PTPRS: variants seen among roughly 807,000 people sequenced by gnomAD.
PTPRS encodes receptor-type tyrosine-protein phosphatase S.
In PTPRS, 63 loss-of-function variants were observed where a neutral mutation model predicts 215.3. The ratio of observed to expected loss-of-function variants is 0.29; its 90% CI spans 0.24 to 0.36. The LOEUF (loss-of-function observed/expected upper bound fraction) is 0.36. Ranked by LOEUF, PTPRS falls within the 10% of genes least tolerant of loss-of-function variation. The pLI is 1.00. For synonymous variants in PTPRS, 1,404 were observed against 1,191.4 expected, an observed-to-expected ratio of 1.18 and a Z score of -3.68; for missense variants, 2,258 against 2,825.8, an observed-to-expected ratio of 0.80 and a Z score of 4.56.
intron 9 of PTPRS, among the ~76,000 whole-genome samples, chr19:5,250,394 T>C (rs1331539915): frequency 6.6e-6 from 1 of 152,124 alleles, no homozygotes; most frequent in Non-Finnish European, 1.5e-5. Context: ...ACCCATGTCA[T>C]CTTTCCACCC....
intron 1 of PTPRS, among the ~76,000 whole-genome samples, chr19:5,297,684 G>A (rs2049177788): frequency 1.3e-5 from 2 of 152,140 alleles, no homozygotes; most frequent in Admixed American, 6.5e-5. Flanking sequence ...GAGGAAGAGA[G>A]CAAATCAGAC....
At chr19:5,333,973 T>A (rs1416192632) in intron 1 of PTPRS, among the ~76,000 whole-genome samples, 2 of 101,012 alleles carry the variant, frequency 2.0e-5, no homozygotes, top group African/African-American at 3.9e-5. Context: ...CCCCCCAAAC[T>A]CCCCCCTTTG....
At chr19:5,266,746 T>G (rs529489038) in intron 4 of PTPRS, among the ~76,000 whole-genome samples, 1 of 152,154 alleles carries the variant, frequency 6.6e-6, no homozygotes, top group Non-Finnish European at 1.5e-5. Context: ...CCCTGCCTGC[T>G]TGCCCGCTGC....
At chr19:5,298,274 C>T (rs901210043) in intron 1 of PTPRS, among the ~76,000 whole-genome samples, 1 of 152,138 alleles carries the variant, frequency 6.6e-6, no homozygotes, top group East Asian at 1.9e-4. Context: ...CAGCTGTGTC[C>T]CTTCGTCTCC....
At chr19:5,234,032 G>A (rs2043232017) in intron 13 of PTPRS, among the ~76,000 whole-genome samples, 1 of 137,868 alleles carries the variant, frequency 7.3e-6, no homozygotes. Flanking sequence ...CCAATTATTA[G>A]CTACCTACCA....
intron 23 of PTPRS, chr19:5,219,089 G>C: frequency 1.5e-6 from 1 of 665,928 alleles, no homozygotes; most frequent in Non-Finnish European, 2.5e-6. Context: ...GTTGAAGATA[G>C]GGGTTAAGAG....
chr19:5,210,627 G>T lies in PTPRS; in HGVS notation c.5362-33C>A. On this transcript the variant is annotated intron_variant, in intron 34 of 37. Coordinates refer to ENST00000262963, the MANE Select transcript of PTPRS (RefSeq NM_002850.4). This position sits in a 1 kb window ranked among gnomAD's most constrained non-coding sequence, Gnocchi z 4.5. ...GGAGATGGCGGCCGTGGTCAGCGCT[G>T]TCTGAGCCACAGTCTGGCCCTCGCC... 6.2e-7 allele frequency: 1 copy of T among 1,614,082 alleles called. No homozygotes were observed. Among genetic ancestry groups the T allele is most frequent in the Non-Finnish European group, 8.5e-7 (1 of 1,180,012 alleles).
intron 1 of PTPRS, among the ~76,000 whole-genome samples, chr19:5,305,937 C>A (rs1257951593): frequency 2.1e-4 from 2 of 9,704 alleles, no homozygotes. Context: ...AAGACTCCGT[C>A]TCAAAAAAAA....
At chr19:5,243,642 G>A (rs1358142955) in intron 11 of PTPRS, among the ~76,000 whole-genome samples, 2 of 151,438 alleles carry the variant, frequency 1.3e-5, no homozygotes, top group African/African-American at 2.4e-5. Flanking sequence ...ACCACGCCCG[G>A]CTAATTTTTA....
chr19:5,280,853 G>T (rs1417143752), intron 2 of PTPRS, among the ~76,000 whole-genome samples: 1 of 151,186 alleles, frequency 6.6e-6, no homozygotes, highest in African/African-American at 2.4e-5. Flanking sequence ...ATGCAGTGGC[G>T]TAATCTTGGC....
rs1247504473 is a variant in PTPRS, at chr19:5,205,869, TC to T, written c.*904del. On this transcript the variant is annotated 3_prime_UTR_variant, in exon 38 of 38. Coordinates refer to ENST00000262963, the MANE Select transcript of PTPRS (RefSeq NM_002850.4). The stretch of plus-strand genomic sequence containing the variant: ...TCATCTCTCTCCTCTTACAGCAGCG[TC>T]CCCCTCAACCGCACCCAACGCCACT... 6.6e-6 allele frequency among the ~76,000 whole-genome samples: 1 copy of T among 151,156 alleles called. No homozygotes were observed. The highest frequency in any genetic ancestry group is 1.5e-5 in the Non-Finnish European group (1 of 67,860).
At chr19:5,224,434 G>A (rs947247026) in intron 17 of PTPRS, among the ~76,000 whole-genome samples, 1 of 152,158 alleles carries the variant, frequency 6.6e-6, no homozygotes, top group African/African-American at 2.4e-5. Flanking sequence ...CTCAATGCAG[G>A]CACCTGACCA....
Position 5,239,030 on chromosome 19 carries a change from C to CGTAGGAAG in PTPRS, c.1730_1737dup (p.Val580LeufsTer8). The CGTAGGAAG allele has an allele frequency of 6.2e-7, 1 of 1,613,478 alleles. No individual in the cohort carries two copies. Among genetic ancestry groups the CGTAGGAAG allele is most frequent in the Non-Finnish European group, 8.5e-7 (1 of 1,179,800 alleles). ...GTGTTGGGCTTCAGGTCCTCCACCA[C>CGTAGGAAG]GTAGGAAGTCGTCGGGTCGAAGGTC... On this transcript the variant is annotated frameshift_variant, in exon 13 of 38. Transcript: ENST00000262963. LOFTEE classifies it high-confidence loss of function.
At chr19:5,310,887 T>TTTA (rs956304702) in intron 1 of PTPRS, among the ~76,000 whole-genome samples, 11 of 151,818 alleles carry the variant, frequency 7.2e-5, no homozygotes, top group East Asian at 3.9e-4. Context: ...TGTATTTTTA[T>TTTA]TTATTATTAT....
intron 1 of PTPRS, among the ~76,000 whole-genome samples, chr19:5,303,500 T>TG (rs1179875747): frequency 6.6e-6 from 1 of 151,572 alleles, no homozygotes; most frequent in Non-Finnish European, 1.5e-5. Context: ...CAGCGACAGA[T>TG]GGGGATAGAG....
At chr19:5,305,592 G>A (rs150976547) in intron 1 of PTPRS, among the ~76,000 whole-genome samples, 4 of 150,652 alleles carry the variant, frequency 2.7e-5, no homozygotes, top group South Asian at 2.1e-4. Flanking sequence ...AGCTGGACAC[G>A]GTGGCTCATG....
chr19:5,301,554 G>C (rs919159062), intron 1 of PTPRS, among the ~76,000 whole-genome samples: 2 of 151,986 alleles, frequency 1.3e-5, no homozygotes, highest in East Asian at 1.9e-4. Flanking sequence ...GACCTCAGGT[G>C]ATCCACTCGC....
chr19:5,230,388 C>T (rs114690777), intron 14 of PTPRS, among the ~76,000 whole-genome samples: 2,649 of 152,270 alleles, frequency 0.017, 66 homozygotes, highest in African/African-American at 0.059. Flanking sequence ...GCTTTGAACT[C>T]CTGGGCTTAA....
Position 5,257,970 on chromosome 19 carries a change from G to A in PTPRS, c.706+47C>T. On this transcript the variant is annotated intron_variant, in intron 8 of 37. Coordinates refer to ENST00000262963, the MANE Select transcript of PTPRS (RefSeq NM_002850.4). This position sits in a 1 kb window ranked among gnomAD's most constrained non-coding sequence, Gnocchi z 4.4. ...GGTGAGCCCGAGGAGGGAGGGGGATGGGACGGGGCGGGTCCCTGCCTTTGA... is the reference window on the plus strand; with the variant it reads ...GGTGAGCCCGAGGAGGGAGGGGGATAGGACGGGGCGGGTCCCTGCCTTTGA... The A allele has an allele frequency of 4.0e-6, 6 of 1,512,204 alleles. 1 individual carries two copies. 93.7% of individuals were successfully genotyped at this position (1,512,204 alleles called of 1,614,324 possible). A position where few individuals can be genotyped will look rare whatever the true frequency, so the allele number is the denominator to read the frequency against.
Sources: gnomAD v4.1 joint callset for allele counts (sites outside exome capture counted in the v4.1 genomes callset) on GRCh38, gnomAD v4.1.1 for gene constraint, Gnocchi (gnomAD v3.1) non-coding constraint, MANE v1.5 for transcripts, NCBI Gene and HGNC (gene_info 2026-07-23, HGNC 2026-07-21) for gene names.